CNBD2: variants seen among roughly 807,000 people sequenced by gnomAD.
CNBD2 encodes cyclic nucleotide binding domain containing 2, also known as cyclic nucleotide-binding domain-containing protein 2.
A neutral mutation model predicts 63.7 loss-of-function variants in CNBD2; 64 were observed. That is an observed-to-expected ratio of 1.00 (90% CI 0.82 to 1.24). The LOEUF is 1.24. Among genes scored for constraint, CNBD2 ranks in the 50% most tolerant of loss-of-function variants. The pLI, the probability that CNBD2 is intolerant of heterozygous loss-of-function variation, is 0.00. For missense variants in CNBD2, 691 were observed against 713.5 expected, an observed-to-expected ratio of 0.97 and a Z score of 0.36; for synonymous variants, 229 against 255.4, an observed-to-expected ratio of 0.90 and a Z score of 0.99.
At chr20:35,971,398 C>A (rs2056415789) in intron 1 of CNBD2, among the ~76,000 whole-genome samples, 1 of 152,110 alleles carries the variant, frequency 6.6e-6, no homozygotes, top group Admixed American at 6.6e-5. Context: ...CTAATATTAT[C>A]TAATGTACAG....
upstream of CNBD2, chr20:35,954,556 C>T: frequency 1.3e-6 from 2 of 1,485,802 alleles, no homozygotes; most frequent in Non-Finnish European, 1.8e-6. Context: ...CCGGAAGCGG[C>T]GCCCTCTAGC....
At chr20:36,005,609 G>T (rs2056973307) in intron 8 of CNBD2, among the ~76,000 whole-genome samples, 1 of 152,020 alleles carries the variant, frequency 6.6e-6, no homozygotes, top group Admixed American at 6.6e-5. Context: ...TATGTGTTTT[G>T]TTAAGCCAGA....
chr20:35,966,636 T>C (rs771689709), upstream of CNBD2, among the ~76,000 whole-genome samples: 13 of 152,230 alleles, frequency 8.5e-5, no homozygotes, highest in Non-Finnish European at 1.6e-4. Flanking sequence ...GGTGAGGTCT[T>C]CTGTTTTGCT....
intron 10 of CNBD2, among the ~76,000 whole-genome samples, chr20:36,020,561 A>T (rs887612057): frequency 6.6e-6 from 1 of 152,216 alleles, no homozygotes; most frequent in African/African-American, 2.4e-5. Flanking sequence ...CCATTTCATC[A>T]TCATTGCTAT....
intron 9 of CNBD2, among the ~76,000 whole-genome samples, chr20:36,010,915 A>G (rs1444232960): frequency 2.6e-5 from 4 of 152,068 alleles, no homozygotes; most frequent in African/African-American, 7.2e-5. Flanking sequence ...GTTTAAGGGG[A>G]GGGCCTGTAT....
chr20:35,994,452 C>T (rs546670624), intron 7 of CNBD2, among the ~76,000 whole-genome samples: 28 of 151,918 alleles, frequency 1.8e-4, no homozygotes, highest in African/African-American at 5.3e-4. Flanking sequence ...AAGTGATCTT[C>T]CCACATCAGC....
intron 6 of CNBD2, among the ~76,000 whole-genome samples, chr20:35,987,147 G>A (rs6121116): frequency 0.012 from 1,770 of 152,266 alleles, 29 homozygotes; most frequent in African/African-American, 0.04. Context: ...GATCACCCAG[G>A]GGCATCTGAG....
In CNBD2 at chr20:35,997,343, A is replaced by G. The variant is rs985063865; in HGVS notation, c.970+2191A>G. Among the ~76,000 whole-genome samples, 5 of 151,202 alleles carry G rather than the reference A, an allele frequency of 3.3e-5. No individual in the cohort carries two copies. The South Asian group carries it at 1.0e-3, about 31-fold the overall frequency. Reference sequence around the variant, plus strand: ...CCTCCTGAGATTAGAACTGAGGCCAACACAGGGTGGCGAGGAGAAGGGCGG... The same window carrying G: ...CCTCCTGAGATTAGAACTGAGGCCAGCACAGGGTGGCGAGGAGAAGGGCGG... On this transcript the variant is annotated intron_variant, in intron 8 of 11. Transcript: ENST00000373973.
At chr20:36,006,025 T>A (rs879900819) in intron 8 of CNBD2, among the ~76,000 whole-genome samples, 1 of 139,834 alleles carries the variant, frequency 7.2e-6, no homozygotes, top group Non-Finnish European at 1.5e-5. Flanking sequence ...ATACTAGAGA[T>A]TTTTTTTTTC....
chr20:35,972,183 G>C (rs1186702271), intron 1 of CNBD2, among the ~76,000 whole-genome samples: 1 of 152,076 alleles, frequency 6.6e-6, no homozygotes, highest in Non-Finnish European at 1.5e-5. Flanking sequence ...TGGCTTGTGG[G>C]CCCTTCCTTC....
At chr20:35,954,613 G>A, upstream of CNBD2, 1 of 1,356,654 alleles carries the variant, frequency 7.4e-7, no homozygotes, top group Non-Finnish European at 9.7e-7. Flanking sequence ...GTGCGGGAGG[G>A]CGAGCTGCGC....
At chr20:35,990,670 G>T (rs571677853) in intron 7 of CNBD2, among the ~76,000 whole-genome samples, 1 of 151,784 alleles carries the variant, frequency 6.6e-6, no homozygotes, top group East Asian at 2.0e-4. Flanking sequence ...CTATTATCTG[G>T]CTGGGTACAG....
At chr20:35,987,094 A>G (rs1474982705) in intron 6 of CNBD2, among the ~76,000 whole-genome samples, 2 of 151,976 alleles carry the variant, frequency 1.3e-5, no homozygotes, top group Non-Finnish European at 1.5e-5. Flanking sequence ...GGAGGAGAAG[A>G]TTCTTGGAAG....
intron 8 of CNBD2, among the ~76,000 whole-genome samples, chr20:35,998,281 T>G (rs1472109390): frequency 6.6e-6 from 1 of 151,998 alleles, no homozygotes; most frequent in Non-Finnish European, 1.5e-5. Context: ...CCTCTGGTGA[T>G]CTGCCTGCCT....
chr20:35,970,082 G>A (rs1216071130), intron 1 of CNBD2, among the ~76,000 whole-genome samples: 1 of 152,170 alleles, frequency 6.6e-6, no homozygotes, highest in East Asian at 1.9e-4. Flanking sequence ...CTTGAAGCCA[G>A]AGTTGGAAAC....
intron 8 of CNBD2, among the ~76,000 whole-genome samples, chr20:36,002,224 G>C (rs934695316): frequency 1.3e-5 from 2 of 151,304 alleles, no homozygotes; most frequent in African/African-American, 4.9e-5. Context: ...GCGAAACCCC[G>C]TCTCCACCAA....
intron 7 of CNBD2, among the ~76,000 whole-genome samples, chr20:35,988,815 C>A (rs755384010): frequency 8.6e-5 from 13 of 152,036 alleles, no homozygotes; most frequent in Non-Finnish European, 1.8e-4. Context: ...GCTCTGCCAG[C>A]CTTGCATGTC....
chr20:36,030,345 C>T lies in CNBD2; in HGVS notation c.1440-12C>T, dbSNP rs1340126284. ...TGGCATGAGAACCTCGGCTTCTGTG[C>T]CTGCCCTTTAGTGATGAAGATATGT... On this transcript the variant is annotated splice_polypyrimidine_tract_variant and intron_variant, in intron 11 of 11. Transcript: ENST00000373973. 1.2e-6 allele frequency: 2 copies of T among 1,613,152 alleles called. No individual in the cohort carries two copies. The highest frequency in any genetic ancestry group is 1.7e-5 in the Admixed American group (1 of 59,986).
At chr20:35,997,640 G>A (rs529297043) in intron 8 of CNBD2, among the ~76,000 whole-genome samples, 19 of 152,292 alleles carry the variant, frequency 1.2e-4, no homozygotes, top group African/African-American at 3.4e-4. Flanking sequence ...TCCGTACCTC[G>A]TAGGATTGTA....
Sources: gnomAD v4.1 joint callset for allele counts (sites outside exome capture counted in the v4.1 genomes callset) on GRCh38, gnomAD v4.1.1 for gene constraint, MANE v1.5 for transcripts, NCBI Gene and HGNC (gene_info 2026-07-23, HGNC 2026-07-21) for gene names.